The following TLE4 variants were observed in gnomAD, a reference collection of about 807,000 sequenced individuals.
The protein encoded by TLE4 is transducin-like enhancer protein 4.
Under a neutral mutation model 92.8 loss-of-function variants are expected in TLE4, and 8 were observed. The ratio of observed to expected loss-of-function variants is 0.09; its 90% CI spans 0.05 to 0.16. The LOEUF is 0.16. Among genes scored for constraint, TLE4 ranks in the 10% least tolerant of loss-of-function variants. TLE4 has a pLI of 1.00. For synonymous variants in TLE4, 371 were observed against 374.1 expected (o/e 0.99, Z 0.10); for missense variants, 675 against 997.6 (o/e 0.68, Z 4.36).
At chr9:79,724,897 A>G (rs2076234162) in intron 19 of TLE4, 140 bp from the exon 20 acceptor site, 4 of 421,032 alleles carry the variant, frequency 9.5e-6, no homozygotes, top group Admixed American at 6.0e-5. Context: ...AGTACTGTCC[A>G]TGACCACCTT....
chr9:79,707,783 C>A (rs977084167), intron 11 of TLE4, among the ~76,000 whole-genome samples: 2 of 152,250 alleles, frequency 1.3e-5, no homozygotes, highest in Admixed American at 6.5e-5. Flanking sequence ...TGCCAGGAGC[C>A]CACAGTTACC....
rs1332095067 is a variant in TLE4 at position 79,572,774 on chromosome 9, C to T, written c.-17C>T. 12 of 1,598,954 alleles carry T rather than the reference C, an allele frequency of 7.5e-6. No homozygotes were observed. The highest frequency in any genetic ancestry group is 7.7e-6 in the Non-Finnish European group (9 of 1,173,540). ...GCCGCGCGCCTCTGCCGAGCGCAGC[C>T]AACTAAATCGGCTTGGATGATTCGC... On this transcript the variant is annotated 5_prime_UTR_variant, in exon 1 of 20. Coordinates refer to ENST00000376552, the MANE Select transcript of TLE4 (RefSeq NM_007005.6).
chr9:79,671,539 A>T, intron 8 of TLE4: 1 of 266,182 alleles, frequency 3.8e-6, no homozygotes, highest in Non-Finnish European at 7.9e-6. Flanking sequence ...TACCCAACAG[A>T]TGCTTGTCGA....
intron 6 of TLE4, among the ~76,000 whole-genome samples, chr9:79,631,766 T>G (rs1218841414): frequency 6.6e-6 from 1 of 151,978 alleles, no homozygotes; most frequent in Non-Finnish European, 1.5e-5. Flanking sequence ...ATTTTAACTT[T>G]CAAAGGCATT....
chr9:79,654,029 CTGCTTGTGTTGCTGCTGTTT>C lies in TLE4; in HGVS notation c.593-26_593-7del. 1.2e-6 allele frequency: 2 copies of C among 1,613,292 alleles called. No individual in the cohort carries two copies. Among genetic ancestry groups the C allele is most frequent in the Non-Finnish European group, 1.7e-6 (2 of 1,179,528 alleles). ...TCTTTTCTTCTTCCCACCACTTTAT[CTGCTTGTGTTGCTGCTGTTT>C]TGCATATAGACAGAGACTCCATCAA... On this transcript the variant is annotated splice_polypyrimidine_tract_variant and intron_variant, in intron 7 of 19. Coordinates refer to ENST00000376552, the MANE Select transcript of TLE4 (RefSeq NM_007005.6).
chr9:79,659,557 G>A (rs1244303072), intron 8 of TLE4, among the ~76,000 whole-genome samples: 1 of 151,904 alleles, frequency 6.6e-6, no homozygotes. Context: ...TTATTTTGTT[G>A]TGATCTCTGT....
At chr9:79,699,390 T>G (rs1255464439) in intron 8 of TLE4, among the ~76,000 whole-genome samples, 1 of 152,174 alleles carries the variant, frequency 6.6e-6, no homozygotes, top group Non-Finnish European at 1.5e-5. Context: ...AGAATTCCTA[T>G]AGTGACTGAA....
chr9:79,720,380 GTGTGTGTGTGTGTGTGTGT>G lies in TLE4; in HGVS notation c.1838+88_1838+106del, dbSNP rs2075388932. 1.2e-4 allele frequency: 100 copies of G among 800,858 alleles called. 4 individuals are homozygous for G. Among genetic ancestry groups the G allele is most frequent in the East Asian group, 9.1e-4 (30 of 33,078 alleles). The allele number at this position is 800,858 out of a possible 1,614,324, so 49.6% of individuals were successfully genotyped here. A position where few individuals can be genotyped will look rare whatever the true frequency, so the allele number is the denominator to read the frequency against. ...AAGTGCTGTGTATATAGGTATGGGT[GTGTGTGTGTGTGTGTGTGT>G]GTGTGTGTGTGTGTGTGTGTGTGTG... On this transcript the variant is annotated intron_variant, in intron 16 of 19. Transcript: ENST00000376552.
chr9:79,706,697 C>A (rs764159048), intron 10 of TLE4, 50 bp from the exon 11 acceptor site: 1 of 1,576,064 alleles, frequency 6.3e-7, no homozygotes, highest in Non-Finnish European at 8.6e-7. Context: ...ACAACCCCAG[C>A]ATTATAAATG....
At chr9:79,649,458 G>A (rs2058601798) in intron 6 of TLE4, 1 of 170,720 alleles carries the variant, frequency 5.9e-6, no homozygotes, top group Non-Finnish European at 1.2e-5. Flanking sequence ...GAAAAGTACT[G>A]CCTCAAGTTC....
At chr9:79,686,219 AC>A (rs758541292) in intron 8 of TLE4, among the ~76,000 whole-genome samples, 1 of 152,182 alleles carries the variant, frequency 6.6e-6, no homozygotes, top group Non-Finnish European at 1.5e-5. Context: ...GTGTCCTGGA[AC>A]CAAACGCCCA....
At chr9:79,598,277 A>G (rs2044610188) in intron 4 of TLE4, among the ~76,000 whole-genome samples, 1 of 150,640 alleles carries the variant, frequency 6.6e-6, no homozygotes, top group African/African-American at 2.4e-5. Flanking sequence ...AAAAAAAAAG[A>G]CTCACTACGA....
Position 79,682,231 on chromosome 9 carries a change from GT to G in TLE4, c.610-22544del, listed in dbSNP as rs199981970. Among the ~76,000 whole-genome samples the G allele has an allele frequency of 9.9e-3, 1,504 of 151,892 alleles. 22 individuals are homozygous for G. Among genetic ancestry groups the G allele is most frequent in the African/African-American group, 0.034 (1,423 of 41,438 alleles). ...TCCAGAAAGCTCTGAAAACTGAAAG[GT>G]TTTTTTTGCATCTCATTCATAACAA... On this transcript the variant is annotated intron_variant, in intron 8 of 19. Transcript: ENST00000376552.
chr9:79,664,503 A>G (rs1337069240), intron 8 of TLE4, among the ~76,000 whole-genome samples: 1 of 152,210 alleles, frequency 6.6e-6, no homozygotes, highest in Non-Finnish European at 1.5e-5. Context: ...TTGGATGCGT[A>G]GGCTGGAATC....
intron 6 of TLE4, among the ~76,000 whole-genome samples, chr9:79,633,130 C>T (rs138436378): frequency 9.2e-5 from 14 of 152,238 alleles, no homozygotes; most frequent in South Asian, 6.2e-4. Flanking sequence ...CTTTCTGCTA[C>T]GGTTTGATGA....
At chr9:79,668,335 G>A (rs1487726183) in intron 8 of TLE4, among the ~76,000 whole-genome samples, 2 of 152,224 alleles carry the variant, frequency 1.3e-5, no homozygotes, top group East Asian at 3.8e-4. Flanking sequence ...ATAAAGTGGT[G>A]AGATGCCAGG....
intron 6 of TLE4, among the ~76,000 whole-genome samples, chr9:79,639,017 T>A (rs922684248): frequency 3.3e-5 from 5 of 152,158 alleles, no homozygotes; most frequent in African/African-American, 1.2e-4. Context: ...GTCAGCGAGA[T>A]ATAAAAAGAT....
chr9:79,668,098 A>G (rs2061692235), intron 8 of TLE4, among the ~76,000 whole-genome samples: 1 of 152,266 alleles, frequency 6.6e-6, no homozygotes, highest in African/African-American at 2.4e-5. Flanking sequence ...GTTTCCTCCT[A>G]CAGAGGGTAT....
chr9:79,584,475 G>A (rs1044591003), intron 4 of TLE4, among the ~76,000 whole-genome samples: 1 of 152,226 alleles, frequency 6.6e-6, no homozygotes, highest in Non-Finnish European at 1.5e-5. Context: ...CACTGTGTTA[G>A]ATACTTACCT....
Sources: allele counts gnomAD v4.1 joint callset (sites outside exome capture counted in the v4.1 genomes callset), GRCh38; gene constraint gnomAD v4.1.1; transcripts MANE v1.5; gene names NCBI Gene and HGNC (gene_info 2026-07-23, HGNC 2026-07-21).